The following KSR2 variants were observed in gnomAD, a reference collection of about 807,000 sequenced individuals.
KSR2 encodes kinase suppressor of ras 2.
KSR2 carries 25 observed loss-of-function variants against 107.8 expected under a neutral mutation model. That is an observed-to-expected ratio of 0.23 (90% CI 0.17 to 0.32). The LOEUF (loss-of-function observed/expected upper bound fraction) is 0.32. Among genes scored for constraint, KSR2 ranks in the 10% least tolerant of loss-of-function variants. The pLI, the probability that KSR2 is intolerant of heterozygous loss-of-function variation, is 1.00. For synonymous variants in KSR2, 480 were observed against 507.0 expected (o/e 0.95, Z 0.71); for missense variants, 887 against 1,268.9 (o/e 0.70, Z 4.57).
At chr12:117,686,506 G>T (rs944051654) in intron 4 of KSR2, among the ~76,000 whole-genome samples, 2 of 151,920 alleles carry the variant, frequency 1.3e-5, no homozygotes, top group Non-Finnish European at 2.9e-5. Context: ...GACCCCAAAG[G>T]TCTTAACCCT....
At chr12:117,504,978 C>G (rs1436456498) in intron 14 of KSR2, among the ~76,000 whole-genome samples, 3 of 152,204 alleles carry the variant, frequency 2.0e-5, no homozygotes, top group African/African-American at 7.2e-5. Flanking sequence ...GTATTCATAG[C>G]TTAGCTCCCA....
At chr12:117,805,159 G>C (rs563076264) in intron 3 of KSR2, among the ~76,000 whole-genome samples, 2 of 152,208 alleles carry the variant, frequency 1.3e-5, no homozygotes. Flanking sequence ...AAACAGATGG[G>C]AAGTCCAGCT....
intron 1 of KSR2, among the ~76,000 whole-genome samples, chr12:117,904,892 T>C (rs1276075845): frequency 6.6e-6 from 1 of 152,188 alleles, no homozygotes; most frequent in African/African-American, 2.4e-5. Context: ...ATTTAAAATG[T>C]GTATTCTGGC....
At chr12:117,856,564 C>T (rs1893108728) in intron 2 of KSR2, among the ~76,000 whole-genome samples, 1 of 152,054 alleles carries the variant, frequency 6.6e-6, no homozygotes, top group African/African-American at 2.4e-5. Context: ...GCAACATCCA[C>T]CTCCCGGGTT....
At chr12:117,533,095 C>T (rs1019526808) in intron 10 of KSR2, among the ~76,000 whole-genome samples, 8 of 152,090 alleles carry the variant, frequency 5.3e-5, no homozygotes, top group Non-Finnish European at 7.3e-5. Context: ...ACCATCATTA[C>T]GAGATAAAAG....
intron 3 of KSR2, among the ~76,000 whole-genome samples, chr12:117,829,143 AC>A (rs1351687489): frequency 6.6e-6 from 1 of 151,268 alleles, no homozygotes; most frequent in Non-Finnish European, 1.5e-5. Context: ...TTCCCATATA[AC>A]CTCTCACCTC....
chr12:117,772,215 A>G (rs1889497223), intron 3 of KSR2, among the ~76,000 whole-genome samples: 1 of 111,552 alleles, frequency 9.0e-6, no homozygotes. Context: ...ACACTCATAC[A>G]CACACACCAT....
At chr12:117,789,482 A>G (rs1278479447) in intron 3 of KSR2, among the ~76,000 whole-genome samples, 1 of 152,210 alleles carries the variant, frequency 6.6e-6, no homozygotes, top group Non-Finnish European at 1.5e-5. Flanking sequence ...CTAGGCAGCT[A>G]CCACGATTCC....
chr12:117,955,365 A>G (rs1896482223), intron 1 of KSR2, among the ~76,000 whole-genome samples: 1 of 152,066 alleles, frequency 6.6e-6, no homozygotes. Context: ...AGTTCAAGCA[A>G]TCCTCCTGCT....
At chr12:117,952,619 T>G (rs1896396509) in intron 1 of KSR2, among the ~76,000 whole-genome samples, 1 of 151,914 alleles carries the variant, frequency 6.6e-6, no homozygotes, top group Non-Finnish European at 1.5e-5. Flanking sequence ...GAGGCTACAG[T>G]GAGGTGAGAT....
At chr12:117,525,848 C>T (rs1875110286) in intron 13 of KSR2, among the ~76,000 whole-genome samples, 1 of 152,216 alleles carries the variant, frequency 6.6e-6, no homozygotes, top group African/African-American at 2.4e-5. Context: ...CTGTCTGAGG[C>T]TCCTACAGCA....
At chr12:117,678,102 A>ATTTTTTTTTTT (rs35096843) in intron 4 of KSR2, among the ~76,000 whole-genome samples, 2 of 127,544 alleles carry the variant, frequency 1.6e-5, no homozygotes, top group Non-Finnish European at 1.7e-5. Context: ...AGCCCAGCTA[A>ATTTTTTTTTTT]TTTTTTTTTT....
intron 14 of KSR2, among the ~76,000 whole-genome samples, chr12:117,510,244 C>A (rs913728094): frequency 6.6e-6 from 1 of 152,328 alleles, no homozygotes; most frequent in African/African-American, 2.4e-5. Context: ...CAGTTCTGGA[C>A]ACACAGTCAA....
chr12:117,608,312 T>C (rs577316819), intron 5 of KSR2, among the ~76,000 whole-genome samples: 7 of 152,198 alleles, frequency 4.6e-5, no homozygotes, highest in Non-Finnish European at 7.3e-5. Flanking sequence ...ATAGTAGCTG[T>C]TCGATTAAGA....
intron 4 of KSR2, among the ~76,000 whole-genome samples, chr12:117,730,540 G>A (rs369500518): frequency 2.2e-4 from 34 of 151,262 alleles, no homozygotes; most frequent in South Asian, 1.7e-3. Flanking sequence ...CCCTTTCCAC[G>A]GTCTCCCTCT....
chr12:117,946,370 C>T (rs1896177918), intron 1 of KSR2, among the ~76,000 whole-genome samples: 1 of 152,028 alleles, frequency 6.6e-6, no homozygotes, highest in Admixed American at 6.5e-5. Flanking sequence ...AAAAAACACA[C>T]ATTACCAACA....
chr12:117,793,789 A>G (rs1209366803), intron 3 of KSR2, among the ~76,000 whole-genome samples: 7 of 134,508 alleles, frequency 5.2e-5, no homozygotes, highest in Non-Finnish European at 1.1e-4. Context: ...ACACACCAAC[A>G]TGCACACATG....
chr12:117,938,161 C>T (rs368771985), intron 1 of KSR2, among the ~76,000 whole-genome samples: 73 of 152,212 alleles, frequency 4.8e-4, no homozygotes, highest in African/African-American at 1.7e-3. Context: ...TTTAGCATCA[C>T]GTCACCAGAT....
At chr12:117,608,968 T>A (rs1021761108) in intron 5 of KSR2, among the ~76,000 whole-genome samples, 16 of 151,596 alleles carry the variant, frequency 1.1e-4, no homozygotes, top group Non-Finnish European at 1.9e-4. Context: ...AGCTAGGGAG[T>A]CTCCCCACTA....
Sources: allele counts gnomAD v4.1 joint callset (sites outside exome capture counted in the v4.1 genomes callset), GRCh38; gene constraint gnomAD v4.1.1; transcripts MANE v1.5; gene names NCBI Gene and HGNC (gene_info 2026-07-23, HGNC 2026-07-21).